The following COL19A1 variants were observed in gnomAD, a reference collection of about 807,000 sequenced individuals.
COL19A1 encodes collagen alpha-1(XIX) chain.
COL19A1 carries 159 observed loss-of-function variants against 190.2 expected under a neutral mutation model. The observed-to-expected ratio is 0.84, with a 90% confidence interval of 0.73 to 0.95. The LOEUF (loss-of-function observed/expected upper bound fraction) is 0.95. Among genes scored for constraint, COL19A1 ranks in the 40% least tolerant of loss-of-function variants. COL19A1 has a pLI of 0.00. For synonymous variants in COL19A1, 509 were observed against 458.9 expected, an observed-to-expected ratio of 1.11 and a Z score of -1.39; for missense variants, 1,418 against 1,431.9, an observed-to-expected ratio of 0.99 and a Z score of 0.16.
rs1289844940 is a variant in COL19A1 at position 69,942,732 on chromosome 6, T to TTGTG, written c.936+4636_936+4639dup. On this transcript the variant is annotated intron_variant, in intron 9 of 50. Coordinates refer to ENST00000620364, the MANE Select transcript of COL19A1 (RefSeq NM_001858.6). ...TTTTTTATGGCTTAATGTCATTCCA[T>TTGTG]TGTGTGTATGTGTGTGTGTGTGTGT... Among the ~76,000 whole-genome samples the TTGTG allele has an allele frequency of 2.9e-4, 36 of 123,440 alleles. No individual in the cohort carries two copies. The East Asian group carries it at 4.4e-3, about 15-fold the overall frequency. 81.0% of individuals were successfully genotyped at this position (123,440 alleles called of 152,430 possible).
intron 14 of COL19A1, among the ~76,000 whole-genome samples, chr6:70,047,049 C>T (rs993898005): frequency 2.6e-5 from 4 of 151,970 alleles, no homozygotes; most frequent in African/African-American, 7.2e-5. Context: ...CTGGAATGGC[C>T]ATATTGCTAA....
intron 38 of COL19A1, 34 bp downstream of exon 38, chr6:70,168,109 A>G: frequency 6.3e-7 from 1 of 1,594,852 alleles, no homozygotes; most frequent in Non-Finnish European, 8.6e-7. Context: ...AAATCCAGTT[A>G]TAGACTGCTG....
intron 4 of COL19A1, among the ~76,000 whole-genome samples, chr6:69,917,946 A>G (rs902262577): frequency 6.6e-6 from 1 of 152,166 alleles, no homozygotes; most frequent in African/African-American, 2.4e-5. Flanking sequence ...AGTAATCTTG[A>G]TGTAAATGAA....
chr6:69,955,509 G>A (rs1043827942), intron 9 of COL19A1, among the ~76,000 whole-genome samples: 2 of 149,356 alleles, frequency 1.3e-5, no homozygotes, highest in African/African-American at 4.9e-5. Context: ...AAACTGTATA[G>A]TAGCCACAGC....
At chr6:69,900,922 A>G (rs1251751631) in intron 4 of COL19A1, among the ~76,000 whole-genome samples, 1 of 151,282 alleles carries the variant, frequency 6.6e-6, no homozygotes. Context: ...TAGAGTTACA[A>G]AAAAAAAATC....
chr6:69,921,555 T>TATATTC (rs1187983065), intron 4 of COL19A1, among the ~76,000 whole-genome samples: 37 of 131,038 alleles, frequency 2.8e-4, no homozygotes, highest in African/African-American at 1.0e-3. Flanking sequence ...TATATTCATA[T>TATATTC]ATATATTCGT....
At chr6:70,084,987 G>A (rs1429972679) in intron 15 of COL19A1, among the ~76,000 whole-genome samples, 2 of 152,088 alleles carry the variant, frequency 1.3e-5, no homozygotes, top group East Asian at 1.9e-4. Context: ...TTATACAACC[G>A]AAATAATACT....
rs1164085926 is a variant in COL19A1, at chr6:69,886,190, C to CA, written c.91+6538dup. On this transcript the variant is annotated intron_variant, in intron 2 of 50. Transcript: ENST00000620364. ...CAAAGGATCAAAATGCATATTTCTA[C>CA]AAAAAAGAGATAAAAATGTCCAACA... is the stretch of plus-strand genomic sequence containing the variant. Among the ~76,000 whole-genome samples, 5 of 151,934 alleles carry CA rather than the reference C, an allele frequency of 3.3e-5. No homozygotes were observed. In the East Asian group the frequency reaches 7.7e-4, roughly 23 times the overall value.
chr6:70,045,502 T>C (rs954173538), intron 14 of COL19A1, among the ~76,000 whole-genome samples: 10 of 152,154 alleles, frequency 6.6e-5, no homozygotes, highest in Non-Finnish European at 1.3e-4. Flanking sequence ...AATTCCATTT[T>C]TTCTGAAGAG....
intron 16 of COL19A1, among the ~76,000 whole-genome samples, chr6:70,104,092 A>G (rs992881402): frequency 2.6e-5 from 4 of 152,156 alleles, no homozygotes; most frequent in African/African-American, 9.7e-5. Context: ...ATTTCACTTT[A>G]GCCATTCTAG....
intron 36 of COL19A1, 81 bp downstream of exon 36, chr6:70,163,477 TA>T (rs1323344221): frequency 3.8e-6 from 5 of 1,325,900 alleles, no homozygotes; most frequent in Non-Finnish European, 5.3e-6. Context: ...GAGAGAGCCA[TA>T]AAATCAAGCA....
Position 70,208,655 on chromosome 6 carries a change from C to T in COL19A1, c.*1381C>T, listed in dbSNP as rs1017982408. ...CAGATGTGAGAACATGCTGCAAGAG[C>T]CTGCCAGCCACAGCAATCAGGACTC... is the stretch of plus-strand genomic sequence containing the variant. On this transcript the variant is annotated 3_prime_UTR_variant, in exon 51 of 51. Transcript: ENST00000620364. The T allele has an allele frequency of 1.3e-5, 2 of 152,640 alleles. No individual in the cohort carries two copies. Among genetic ancestry groups the T allele is most frequent in the African/African-American group, 2.4e-5 (1 of 41,444 alleles). The allele number at this position is 152,640 out of a possible 1,614,324, so 9.5% of individuals were successfully genotyped here.
intron 34 of COL19A1, 54 bp downstream of exon 34, chr6:70,156,777 C>T: frequency 7.1e-7 from 1 of 1,406,676 alleles, no homozygotes. Context: ...CTTTACGTGG[C>T]TCAACAGAGT....
In COL19A1 at chr6:69,879,563, G is replaced by A. The variant is rs200635295; in HGVS notation, c.-5G>A. On this transcript the variant is annotated 5_prime_UTR_variant, in exon 2 of 51. Transcript: ENST00000620364. ...CCGTGGCCGTTCACATGGTTTCAAG[G>A]CACAATGAGACTCACTGGCCCTTGG... 2 of 1,613,444 alleles carry A rather than the reference G, an allele frequency of 1.2e-6. No homozygotes were observed. The highest frequency in any genetic ancestry group is 1.7e-6 in the Non-Finnish European group (2 of 1,179,664).
rs76555294 is a variant in COL19A1 at position 70,095,697 on chromosome 6, C to G, written c.1225-6472C>G. ...AAACAACTCCTTTTTTTTCCTCTTC[C>G]TTTTCTTCAGTCACTGGTAACCCCC... On this transcript the variant is annotated intron_variant, in intron 15 of 50. Transcript: ENST00000620364. 9.9e-4 allele frequency among the ~76,000 whole-genome samples: 151 copies of G among 152,048 alleles called. 4 individuals are homozygous for G. The East Asian group carries it at 0.023, about 23-fold the overall frequency.
chr6:69,967,384 C>T (rs117073282), intron 11 of COL19A1, among the ~76,000 whole-genome samples: 8 of 152,290 alleles, frequency 5.3e-5, no homozygotes, highest in Non-Finnish European at 1.0e-4. Context: ...AATCATAAGA[C>T]TGAAGGAGAG....
In COL19A1 at chr6:70,021,568, T is replaced by C. The variant is rs1343061740; in HGVS notation, c.1027-2059T>C. 2.6e-5 allele frequency among the ~76,000 whole-genome samples: 4 copies of C among 152,340 alleles called. No homozygotes were observed. In the South Asian group the frequency reaches 8.3e-4, roughly 32 times the overall value. On this transcript the variant is annotated intron_variant, in intron 11 of 50. Transcript: ENST00000620364. ...ATTGGTATTAACACTTTATTGTTTC[T>C]GATCCCCTTATTAGAAAGATATTTT...
At position 69,900,239 on chromosome 6, in the gene COL19A1, GT is replaced by G; in HGVS notation, c.171del (p.Phe57LeufsTer3). 2 of 1,562,716 alleles carry G rather than the reference GT, an allele frequency of 1.3e-6. No individual in the cohort carries two copies. The highest frequency in any genetic ancestry group is 1.7e-6 in the Non-Finnish European group (2 of 1,152,880). Reference protein sequence around the residue: ...YDNINKLEVSGFDLGDSFSLR... With the variant: ...YDNINKLEVSXFDLGDSFSLR... ...TTGAATCATCTGTTACATTTTACAG[GT>G]TTTGATCTAGGAGACAGCTTTTCTC... On this transcript the variant is annotated frameshift_variant and splice_region_variant, in exon 4 of 51. Transcript: ENST00000620364. LOFTEE classifies it high-confidence loss of function.
At chr6:69,924,190 T>C (rs916513470) in intron 4 of COL19A1, among the ~76,000 whole-genome samples, 2 of 152,198 alleles carry the variant, frequency 1.3e-5, no homozygotes, top group South Asian at 2.1e-4. Context: ...GCCATGTTGG[T>C]GAGCTGCACC....
Sources: gnomAD v4.1 joint callset for allele counts (sites outside exome capture counted in the v4.1 genomes callset) on GRCh38, gnomAD v4.1.1 for gene constraint, MANE v1.5 for transcripts, NCBI Gene and HGNC (gene_info 2026-07-23, HGNC 2026-07-21) for gene names.